The following ZYX variants were observed in gnomAD, a reference collection of about 807,000 sequenced individuals.
ZYX encodes the protein zyxin.
In ZYX, 37 loss-of-function variants were observed where a neutral mutation model predicts 58.1. That is an observed-to-expected ratio of 0.64 (90% CI 0.49 to 0.84). ZYX has a LOEUF of 0.84. Among genes scored for constraint, ZYX ranks in the 40% least tolerant of loss-of-function variants. The pLI is 0.00. For synonymous variants in ZYX, 324 were observed against 321.1 expected (o/e 1.01, Z -0.10); for missense variants, 762 against 761.6 (o/e 1.00, Z -0.01).
Position 143,390,423 on chromosome 7 carries a change from G to A in ZYX, c.1615-155G>A. On this transcript the variant is annotated intron_variant, in intron 9 of 9. Transcript: ENST00000322764. The surrounding 1 kb of genome is among the most constrained non-coding windows in gnomAD (Gnocchi z 4.3). ...AGTGGGTGACTGGAAGTAGGATAGG[G>A]ATGGGGAGTTGGGTGTGGCTGGAAA... 1 of 641,690 alleles carries A rather than the reference G, an allele frequency of 1.6e-6. No homozygotes were observed. The highest frequency in any genetic ancestry group is 2.8e-6 in the Non-Finnish European group (1 of 361,608). 39.7% of individuals were successfully genotyped at this position (641,690 alleles called of 1,614,324 possible). A position where few individuals can be genotyped will look rare whatever the true frequency, so the allele number is the denominator to read the frequency against.
intron 5 of ZYX, among the ~76,000 whole-genome samples, chr7:143,385,494 G>A (rs1044949370): frequency 1.3e-5 from 2 of 150,634 alleles, no homozygotes; most frequent in African/African-American, 4.9e-5. Context: ...ATGAGTACAT[G>A]TGTGCATGTG....
At chr7:143,383,503 C>T (rs768184053) in intron 5 of ZYX, among the ~76,000 whole-genome samples, 181 bp downstream of exon 5, 25 of 151,892 alleles carry the variant, frequency 1.6e-4, no homozygotes, top group Non-Finnish European at 3.1e-4. Flanking sequence ...GGAAAATGCT[C>T]CTCTGGAGGA....
chr7:143,381,391 G>A lies in ZYX; in HGVS notation c.-34G>A, dbSNP rs1804562019. The A allele has an allele frequency of 3.4e-6, 4 of 1,186,846 alleles. No individual in the cohort carries two copies. The highest frequency in any genetic ancestry group is 4.0e-5 in the South Asian group (1 of 25,000). The allele number at this position is 1,186,846 out of a possible 1,614,324, so 73.5% of individuals were successfully genotyped here. ...CCGAGGCGGCCACCCGAGACGCGGC[G>A]CGCACGCTCCGGCCTGCGGTGAGGC... is the stretch of plus-strand genomic sequence containing the variant. On this transcript the variant is annotated 5_prime_UTR_variant, in exon 1 of 10. Coordinates refer to ENST00000322764, the MANE Select transcript of ZYX (RefSeq NM_003461.5).
rs1281722191 is a variant in ZYX at position 143,389,963 on chromosome 7, T to G, written c.1600T>G (p.Cys534Gly). ...CCTGGACAAGAACTTCCACATGAAG[T>G]GTTACAAGTGTGAGGTCAGCCATCC... ...VALDKNFHMKCYKCEDCGKPL... is the reference protein window; with the variant it reads ...VALDKNFHMKGYKCEDCGKPL... Residue 534 changes from cysteine (C) to glycine (G), a missense_variant, in exon 9 of 10, where the codon TGT becomes GGT. Cys to Gly is a radical substitution (Grantham distance 159, BLOSUM62 -3). Coordinates refer to ENST00000322764, the MANE Select transcript of ZYX (RefSeq NM_003461.5). This position sits in a 1 kb window ranked among gnomAD's most constrained non-coding sequence, Gnocchi z 5.6. The G allele has an allele frequency of 6.2e-7, 1 of 1,613,990 alleles. No individual in the cohort carries two copies.
chr7:143,391,049 C>A lies in ZYX; in HGVS notation c.*367C>A. On this transcript the variant is annotated 3_prime_UTR_variant, in exon 10 of 10. Transcript: ENST00000322764. ...GGGAGACCCTCCAGGACATTCCCAC[C>A]CTCCCCCATGCTGCCAAGTTGTAGC... 3.2e-6 allele frequency: 1 copy of A among 312,694 alleles called. No homozygotes were observed. Among genetic ancestry groups the A allele is most frequent in the Non-Finnish European group, 6.0e-6 (1 of 166,698 alleles). 19.4% of individuals were successfully genotyped at this position (312,694 alleles called of 1,614,324 possible).
intron 5 of ZYX, among the ~76,000 whole-genome samples, chr7:143,385,656 A>ATTT (rs1261838329): frequency 1.1e-5 from 1 of 93,252 alleles, no homozygotes; most frequent in Non-Finnish European, 2.1e-5. Context: ...GTGGTGTGGT[A>ATTT]TATCTTTTTT....
At chr7:143,385,366 G>A (rs561902533) in intron 5 of ZYX, among the ~76,000 whole-genome samples, 1 of 151,942 alleles carries the variant, frequency 6.6e-6, no homozygotes, top group Non-Finnish European at 1.5e-5. Context: ...AGTGGCGTGT[G>A]TGTGTGTGTT....
chr7:143,381,506 T>C (rs1402809826), intron 1 of ZYX, 51 bp from the exon 2 acceptor site: 2 of 1,536,326 alleles, frequency 1.3e-6, no homozygotes, highest in Admixed American at 3.9e-5. Flanking sequence ...TGGGACCGCC[T>C]GGGGCTCCTG....
At chr7:143,381,473 G>A (rs1804570469) in intron 1 of ZYX, 64 bp downstream of exon 1, 10 of 1,378,478 alleles carry the variant, frequency 7.3e-6, no homozygotes, top group Admixed American at 6.6e-5. Context: ...GGGAGGGGGC[G>A]AGTGGGGGTC....
chr7:143,384,103 A>G lies in ZYX; in HGVS notation c.1023+781A>G. Reference sequence around the variant, plus strand: ...CTTGCCTTCTAGTTCAGGAAATAAGATCGTCCAATTTCTGGTGACGAAGAT... The same window carrying G: ...CTTGCCTTCTAGTTCAGGAAATAAGGTCGTCCAATTTCTGGTGACGAAGAT... On this transcript the variant is annotated intron_variant, in intron 5 of 9. Coordinates refer to ENST00000322764, the MANE Select transcript of ZYX (RefSeq NM_003461.5). This position sits in a 1 kb window ranked among gnomAD's most constrained non-coding sequence, Gnocchi z 4.9. 1 of 450,326 alleles carries G rather than the reference A, an allele frequency of 2.2e-6. No homozygotes were observed. Among genetic ancestry groups the G allele is most frequent in the Non-Finnish European group, 4.6e-6 (1 of 216,910 alleles). 27.9% of individuals were successfully genotyped at this position (450,326 alleles called of 1,614,324 possible).
At position 143,389,923 on chromosome 7, in the gene ZYX, T is replaced by A; in HGVS notation, c.1560T>A (p.Thr520=). ...PIMPEPGRDE[T]VRVVALDKNF... The stretch of plus-strand genomic sequence containing the variant: ...TGCCTGAGCCTGGCCGAGATGAGAC[T>A]GTGCGAGTGGTCGCCCTGGACAAGA... Residue 520 remains threonine, a synonymous_variant, in exon 9 of 10, where the codon ACT becomes ACA. Coordinates refer to ENST00000322764, the MANE Select transcript of ZYX (RefSeq NM_003461.5). This position sits in a 1 kb window ranked among gnomAD's most constrained non-coding sequence, Gnocchi z 5.6. 6.2e-7 allele frequency: 1 copy of A among 1,614,212 alleles called. No individual in the cohort carries two copies. The highest frequency in any genetic ancestry group is 8.5e-7 in the Non-Finnish European group (1 of 1,180,016).
At position 143,387,756 on chromosome 7, in the gene ZYX, T is replaced by C; in HGVS notation, c.1024-463T>C. On this transcript the variant is annotated intron_variant, in intron 5 of 9. Coordinates refer to ENST00000322764, the MANE Select transcript of ZYX (RefSeq NM_003461.5). This position sits in a 1 kb window ranked among gnomAD's most constrained non-coding sequence, Gnocchi z 5.8. ...TCCTGCCTGTGTTGTATCCTCACGC[T>C]GACAGGGGCTGCTCAGCAGCAGGCA... 2.1e-6 allele frequency: 1 copy of C among 471,988 alleles called. No individual in the cohort carries two copies. The allele number at this position is 471,988 out of a possible 1,614,324, so 29.2% of individuals were successfully genotyped here.
Position 143,383,055 on chromosome 7 carries a change from C to T in ZYX, c.756C>T (p.Pro252=), listed in dbSNP as rs368708239. The part of the protein sequence containing the change: ...TQPVSLANTQ[P]RGPPASSPAP... ...CTGTGTCTTTGGCTAACACCCAGCCCCGAGGGCCCCCAGCCTCATCTCCGG... is the reference window on the plus strand; with the variant it reads ...CTGTGTCTTTGGCTAACACCCAGCCTCGAGGGCCCCCAGCCTCATCTCCGG... The change falls in exon 5 of 10, where the codon CCC becomes CCT. Residue 252 remains proline, a synonymous_variant. Transcript: ENST00000322764. The T allele has an allele frequency of 3.7e-6, 6 of 1,614,062 alleles. No homozygotes were observed. Among genetic ancestry groups the T allele is most frequent in the Admixed American group, 3.3e-5 (2 of 60,008 alleles).
rs1804937855 is a variant in ZYX, at chr7:143,388,267, G to T, written c.1072G>T (p.Glu358Ter). Residue 358 changes from glutamate (E) to a stop codon, truncating the protein, a stop_gained, in exon 6 of 10, where the codon GAG (glutamate) becomes TAG (stop). Coordinates refer to ENST00000322764, the MANE Select transcript of ZYX (RefSeq NM_003461.5). LOFTEE classifies it high-confidence loss of function. This position sits in a 1 kb window ranked among gnomAD's most constrained non-coding sequence, Gnocchi z 7.5. ...PGPLTLKEVEELEQLTQQLMQ... is the reference protein window; with the variant it reads ...PGPLTLKEVE ...GCCCCTGACTCTGAAGGAGGTGGAG[G>T]AGCTGGAGCAGCTGACCCAGCAGCT... 6.2e-7 allele frequency: 1 copy of T among 1,613,374 alleles called. No homozygotes were observed. Among genetic ancestry groups the T allele is most frequent in the Non-Finnish European group, 8.5e-7 (1 of 1,179,654 alleles).
chr7:143,381,352 C>T lies in ZYX; in HGVS notation c.-73C>T. ...GCTGCTCCGGACCGGGACGCAGAGT[C>T]TGCGGACCCGGCGCCGAGGCGGCCA... is the stretch of plus-strand genomic sequence containing the variant. On this transcript the variant is annotated 5_prime_UTR_variant, in exon 1 of 10. Coordinates refer to ENST00000322764, the MANE Select transcript of ZYX (RefSeq NM_003461.5). The T allele has an allele frequency of 8.7e-7, 1 of 1,152,922 alleles. No individual in the cohort carries two copies. 71.4% of individuals were successfully genotyped at this position (1,152,922 alleles called of 1,614,324 possible).
chr7:143,389,053 T>C lies in ZYX; in HGVS notation c.1493+108T>C, dbSNP rs1804975508. 3.1e-6 allele frequency: 4 copies of C among 1,302,640 alleles called. No individual in the cohort carries two copies. Among genetic ancestry groups the C allele is most frequent in the Admixed American group, 2.2e-5 (1 of 44,828 alleles). The allele number at this position is 1,302,640 out of a possible 1,614,324, so 80.7% of individuals were successfully genotyped here. On this transcript the variant is annotated intron_variant, in intron 8 of 9. Transcript: ENST00000322764. The surrounding 1 kb of genome is among the most constrained non-coding windows in gnomAD (Gnocchi z 5.6). The stretch of plus-strand genomic sequence containing the variant: ...GCCCCAAACCCCTGGTGGTGTTTTC[T>C]GGTCCCATGTCCTGTCTGTAAACAG...
rs573132424 is a variant in ZYX, at chr7:143,384,131, C to A, written c.1023+809C>A. ...GTCCAATTTCTGGTGACGAAGATGA[C>A]CCTGATGGTCATCTAGTCCAAGCAT... On this transcript the variant is annotated intron_variant, in intron 5 of 9. Transcript: ENST00000322764. The surrounding 1 kb of genome is among the most constrained non-coding windows in gnomAD (Gnocchi z 4.9). The A allele has an allele frequency of 3.9e-4, 183 of 465,772 alleles. 2 individuals are homozygous for A. Among genetic ancestry groups the A allele is most frequent in the South Asian group, 2.7e-3 (174 of 63,582 alleles). The allele number at this position is 465,772 out of a possible 1,614,324, so 28.9% of individuals were successfully genotyped here. A position where few individuals can be genotyped will look rare whatever the true frequency, so the allele number is the denominator to read the frequency against.
In ZYX at chr7:143,383,019, C is replaced by G. The variant is rs757430029; in HGVS notation, c.720C>G (p.Ser240=). 6.2e-7 allele frequency: 1 copy of G among 1,614,016 alleles called. No individual in the cohort carries two copies. The highest frequency in any genetic ancestry group is 1.1e-5 in the South Asian group (1 of 91,070). The change falls in exon 5 of 10, where the codon TCC becomes TCG. Residue 240 remains serine (S), a synonymous_variant. Transcript: ENST00000322764. ...PKPQVQLHVQ[S]QTQPVSLANT... ...CTCAGGTCCAACTCCATGTCCAGTC[C>G]CAGACCCAGCCTGTGTCTTTGGCTA... is the stretch of plus-strand genomic sequence containing the variant.
In ZYX at chr7:143,388,547, A is replaced by C. The variant is rs765063788; in HGVS notation, c.1203A>C (p.Leu401=). The C allele has an allele frequency of 1.9e-6, 3 of 1,611,322 alleles. No individual in the cohort carries two copies. The Admixed American group carries it at 5.0e-5, about 27-fold the overall frequency. The change falls in exon 7 of 10, where the codon CTA becomes CTC. Residue 401 remains leucine (L), a synonymous_variant. Coordinates refer to ENST00000322764, the MANE Select transcript of ZYX (RefSeq NM_003461.5). The surrounding 1 kb of genome is among the most constrained non-coding windows in gnomAD (Gnocchi z 7.5). ...GGGCGCAGCCAGCCGTCCGCGCTCT[A>C]GGGCAGCTGTTCCACATCGCCTGCT... The part of the protein sequence containing the change: ...LARAQPAVRA[L]GQLFHIACFT...
Sources: gnomAD v4.1 joint callset for allele counts (sites outside exome capture counted in the v4.1 genomes callset) on GRCh38, gnomAD v4.1.1 for gene constraint, Gnocchi (gnomAD v3.1) non-coding constraint, MANE v1.5 for transcripts, NCBI Gene and HGNC (gene_info 2026-07-23, HGNC 2026-07-21) for gene names.